The following TMCC2 variants were observed in gnomAD, a reference collection of about 807,000 sequenced individuals.
TMCC2 encodes transmembrane and coiled-coil domains protein 2.
Under a neutral mutation model 49.4 loss-of-function variants are expected in TMCC2, and 16 were observed. The ratio of observed to expected loss-of-function variants is 0.32; its 90% CI spans 0.22 to 0.49. TMCC2 has a LOEUF of 0.49. Ranked by LOEUF, TMCC2 falls within the 20% of genes least tolerant of loss-of-function variation. TMCC2 has a pLI of 0.99. For synonymous variants in TMCC2, 397 were observed against 434.1 expected, an observed-to-expected ratio of 0.91 and a Z score of 1.06; for missense variants, 762 against 989.8, an observed-to-expected ratio of 0.77 and a Z score of 3.09.
At chr1:205,239,806 A>C (rs1558644316) in intron 1 of TMCC2, among the ~76,000 whole-genome samples, 1 of 152,230 alleles carries the variant, frequency 6.6e-6, no homozygotes, top group African/African-American at 2.4e-5. Context: ...CAAATACATA[A>C]TAGTACAGTT....
In TMCC2 at chr1:205,264,679, A is replaced by C. The variant is rs770164694; in HGVS notation, c.748-4271A>C. 6.6e-6 allele frequency among the ~76,000 whole-genome samples: 1 copy of C among 152,072 alleles called. No individual in the cohort carries two copies. Among genetic ancestry groups the C allele is most frequent in the Non-Finnish European group, 1.5e-5 (1 of 68,010 alleles). ...GCTAATTTTTGTATTGTTAGTAGAG[A>C]CAGGGTTTCACCATGTTGGCCAGGC... On this transcript the variant is annotated intron_variant, in intron 2 of 4. Coordinates refer to ENST00000358024, the MANE Select transcript of TMCC2 (RefSeq NM_014858.4). This position sits in a 1 kb window ranked among gnomAD's most constrained non-coding sequence, Gnocchi z 4.2.
intron 2 of TMCC2, chr1:205,257,514 T>C (rs1660926682): frequency 5.3e-6 from 5 of 942,564 alleles, no homozygotes; most frequent in Non-Finnish European, 6.9e-6. Flanking sequence ...AGAGAACTGT[T>C]TGTGGGTGGG....
intron 1 of TMCC2, among the ~76,000 whole-genome samples, chr1:205,236,276 A>G (rs1174229602): frequency 6.6e-6 from 1 of 152,170 alleles, no homozygotes; most frequent in Non-Finnish European, 1.5e-5. Flanking sequence ...CTTCCAAGCC[A>G]ACTCAATCTT....
Position 205,228,541 on chromosome 1 carries a change from T to A in TMCC2, c.-24T>A. ...AAGACGGCGCGCTGGAAGGACAGAT[T>A]CCCCTTGCCGACCCACATACACCAT... On this transcript the variant is annotated 5_prime_UTR_variant, in exon 1 of 5. Transcript: ENST00000358024. The A allele has an allele frequency of 1.3e-6, 2 of 1,578,986 alleles. No individual in the cohort carries two copies. Among genetic ancestry groups the A allele is most frequent in the Non-Finnish European group, 1.7e-6 (2 of 1,156,600 alleles).
chr1:205,257,580 G>A (rs1301027323), intron 2 of TMCC2, among the ~76,000 whole-genome samples: 1 of 152,210 alleles, frequency 6.6e-6, no homozygotes, highest in Non-Finnish European at 1.5e-5. Flanking sequence ...GGTTGGATGT[G>A]GGCGCCCTGT....
chr1:205,266,523 G>A (rs1478598439), intron 2 of TMCC2, among the ~76,000 whole-genome samples: 1 of 151,186 alleles, frequency 6.6e-6, no homozygotes, highest in African/African-American at 2.4e-5. Context: ...AACCCAGGAG[G>A]CATAGGTTGC....
At chr1:205,246,773 G>A (rs1660469778) in intron 2 of TMCC2, 5 of 1,429,206 alleles carry the variant, frequency 3.5e-6, no homozygotes, top group Non-Finnish European at 4.8e-6. Flanking sequence ...TATTTTATGA[G>A]GAGGGAAAAC....
At chr1:205,237,291 T>G (rs1440578047) in intron 1 of TMCC2, among the ~76,000 whole-genome samples, 1 of 152,150 alleles carries the variant, frequency 6.6e-6, no homozygotes, top group Non-Finnish European at 1.5e-5. Context: ...AGTAGAACTC[T>G]GTGGGTTTTT....
chr1:205,258,115 C>T, intron 2 of TMCC2, among the ~76,000 whole-genome samples: 1 of 152,122 alleles, frequency 6.6e-6, no homozygotes, highest in East Asian at 1.9e-4. Context: ...TTGCTGGCCA[C>T]AGGAGGTGGC....
intron 4 of TMCC2, 37 bp downstream of exon 4, chr1:205,271,292 C>T: frequency 6.2e-7 from 1 of 1,613,708 alleles, no homozygotes; most frequent in Non-Finnish European, 8.5e-7. Flanking sequence ...CCCAGATGTG[C>T]TGGTAGAGCT....
chr1:205,261,196 C>CTTTTTTT (rs34247734), intron 2 of TMCC2, among the ~76,000 whole-genome samples: 5 of 95,266 alleles, frequency 5.2e-5, no homozygotes, highest in Non-Finnish European at 6.1e-5. Context: ...CACTTATTTC[C>CTTTTTTT]TTTTTTTTTT....
intron 2 of TMCC2, among the ~76,000 whole-genome samples, chr1:205,266,454 G>A (rs1034842672): frequency 2.6e-5 from 4 of 151,604 alleles, no homozygotes; most frequent in Non-Finnish European, 4.4e-5. Flanking sequence ...TTAGCCGGGC[G>A]TGGCGGCTCA....
chr1:205,258,001 AG>A, intron 2 of TMCC2, among the ~76,000 whole-genome samples: 1 of 152,118 alleles, frequency 6.6e-6, no homozygotes, highest in East Asian at 1.9e-4. Context: ...ATCAGAACTG[AG>A]GGGTGGCCCT....
chr1:205,242,196 G>C (rs935206942), intron 2 of TMCC2, 152 bp downstream of exon 2: 93 of 870,580 alleles, frequency 1.1e-4, no homozygotes, highest in Non-Finnish European at 1.5e-4. Flanking sequence ...TAAAGGAGTC[G>C]GGTATGACTA....
At chr1:205,254,854 C>G (rs1335843590) in intron 2 of TMCC2, among the ~76,000 whole-genome samples, 3 of 152,182 alleles carry the variant, frequency 2.0e-5, no homozygotes, top group Non-Finnish European at 4.4e-5. Flanking sequence ...CGGCCCCTCC[C>G]CACCTGTCTC....
In TMCC2 at chr1:205,268,215, A is replaced by G. The variant is rs1661426235; in HGVS notation, c.748-735A>G. ...CCTGCTCAAGGCAGGAGCCTTATGAAGTGGTTGAGTCCAGAGAGAAAATTT... is the reference window on the plus strand; with the variant it reads ...CCTGCTCAAGGCAGGAGCCTTATGAGGTGGTTGAGTCCAGAGAGAAAATTT... On this transcript the variant is annotated intron_variant, in intron 2 of 4. Coordinates refer to ENST00000358024, the MANE Select transcript of TMCC2 (RefSeq NM_014858.4). 2.0e-5 allele frequency among the ~76,000 whole-genome samples: 3 copies of G among 152,210 alleles called. No individual in the cohort carries two copies. The South Asian group carries it at 6.2e-4, about 32-fold the overall frequency.
intron 2 of TMCC2, among the ~76,000 whole-genome samples, chr1:205,257,531 G>A (rs548345498): frequency 1.6e-4 from 25 of 152,354 alleles, no homozygotes; most frequent in African/African-American, 5.8e-4. Context: ...TGGGAGAAGG[G>A]AGGAGCCTTA....
chr1:205,269,479 G>C lies in TMCC2; in HGVS notation c.1277G>C (p.Arg426Pro). Residue 426 changes from arginine (R) to proline (P), a missense_variant, in exon 3 of 5, where the codon CGG becomes CCG. Physicochemically the swap from Arg to Pro is moderately radical, Grantham distance 103. Around this residue, in one of 2 missense-constraint regions of TMCC2, gnomAD observed 440 missense variants for 636.7 expected, o/e 0.69. Transcript: ENST00000358024. ...CACACCGCCGTGGTGTCCAAGCCCC[G>C]GGAGTTTGCCAGCCTCATCCGCAAC... ...ATHTAVVSKP[R>P]EFASLIRNKF... is the part of the protein sequence containing the mutation. 6.2e-7 allele frequency: 1 copy of C among 1,607,908 alleles called. No individual in the cohort carries two copies. Among genetic ancestry groups the C allele is most frequent in the Non-Finnish European group, 8.5e-7 (1 of 1,175,652 alleles).
intron 1 of TMCC2, chr1:205,233,840 T>G (rs1338824988): frequency 1.3e-5 from 2 of 152,044 alleles, no homozygotes; most frequent in African/African-American, 4.8e-5. Flanking sequence ...TTGATAAAAT[T>G]TATAGGTCTC....
Sources: allele counts gnomAD v4.1 joint callset (sites outside exome capture counted in the v4.1 genomes callset), GRCh38; gene constraint gnomAD v4.1.1; regional missense constraint gnomAD v4.1.1; non-coding constraint Gnocchi (gnomAD v3.1); transcripts MANE v1.5; gene names NCBI Gene and HGNC (gene_info 2026-07-23, HGNC 2026-07-21).